Variants in MS4A10 observed in about 807,000 individuals in gnomAD.
MS4A10 encodes membrane-spanning 4-domains subfamily A member 10.
Under a neutral mutation model 27.7 loss-of-function variants are expected in MS4A10, and 27 were observed. The observed-to-expected ratio is 0.98, with a 90% CI of 0.72 to 1.35. The LOEUF (loss-of-function observed/expected upper bound fraction) is 1.35, where lower values mean the gene tolerates loss of function less well. Among genes scored for constraint, MS4A10 ranks in the 40% most tolerant of loss-of-function variants. The pLI, the probability that MS4A10 is intolerant of heterozygous loss-of-function variation, is 0.00. For missense variants in MS4A10, 338 were observed against 324.7 expected, an observed-to-expected ratio of 1.04 and a Z score of -0.32; for synonymous variants, 139 against 131.2, an observed-to-expected ratio of 1.06 and a Z score of -0.41.
Position 60,800,171 on chromosome 11 carries a change from G to A in MS4A10, c.*262G>A, listed in dbSNP as rs1591003672. 2.0e-6 allele frequency: 1 copy of A among 495,728 alleles called. No individual in the cohort carries two copies. The highest frequency in any genetic ancestry group is 3.5e-5 in the East Asian group (1 of 28,760). The allele number at this position is 495,728 out of a possible 1,614,324, so 30.7% of individuals were successfully genotyped here. A position where few individuals can be genotyped will look rare whatever the true frequency, so the allele number is the denominator to read the frequency against. On this transcript the variant is annotated 3_prime_UTR_variant, in exon 8 of 8. Coordinates refer to ENST00000308287, the MANE Select transcript of MS4A10 (RefSeq NM_206893.4). Reference sequence around the variant, plus strand: ...GTTTTGTTTTCTTTTGTTTTGTTGAGATGGAGTCTCGCTCTGTTGCCCAGC... The same window carrying A: ...GTTTTGTTTTCTTTTGTTTTGTTGAAATGGAGTCTCGCTCTGTTGCCCAGC...
chr11:60,798,169 C>T (rs547158545), intron 6 of MS4A10, among the ~76,000 whole-genome samples: 4 of 152,362 alleles, frequency 2.6e-5, no homozygotes, highest in Admixed American at 6.5e-5. Flanking sequence ...ACCAGAGCCC[C>T]ATCCAGTGAC....
intron 6 of MS4A10, among the ~76,000 whole-genome samples, chr11:60,796,413 G>T (rs1192896902): frequency 1.3e-5 from 2 of 152,128 alleles, no homozygotes; most frequent in Non-Finnish European, 2.9e-5. Flanking sequence ...CTCCCAAGTA[G>T]CTGGGACTAC....
At chr11:60,796,460 T>G (rs941098211) in intron 6 of MS4A10, among the ~76,000 whole-genome samples, 9 of 152,142 alleles carry the variant, frequency 5.9e-5, no homozygotes, top group African/African-American at 2.2e-4. Flanking sequence ...TTTTTGTATT[T>G]TTTTAAGTAT....
intron 6 of MS4A10, 31 bp downstream of exon 6, chr11:60,795,696 C>T (rs1401048113): frequency 2.8e-6 from 4 of 1,433,226 alleles, no homozygotes; most frequent in African/African-American, 1.5e-5. Flanking sequence ...CCCAGGAAGA[C>T]AAAAAATGGG....
intron 2 of MS4A10, 69 bp from the exon 3 acceptor site, chr11:60,790,905 G>C: frequency 6.3e-7 from 1 of 1,595,644 alleles, no homozygotes; most frequent in Non-Finnish European, 8.5e-7. Context: ...TAGGTCCAGG[G>C]CACTAGTGGC....
chr11:60,794,002 A>C lies in MS4A10; in HGVS notation c.391A>C (p.Ser131Arg). Residue 131 changes from serine to arginine, a missense_variant, in exon 5 of 8, where the codon AGC (serine) becomes CGC (arginine). By Grantham distance (110) the Ser-to-Arg change is moderately radical. Coordinates refer to ENST00000308287, the MANE Select transcript of MS4A10 (RefSeq NM_206893.4). ...GTTGTGCCTGATGACAAACCTCATC[A>C]GCCTCTTTTGCGTGCTGTCTGGCCT... Reference protein sequence around the residue: ...KMLCLMTNLISLFCVLSGLFV... With the variant: ...KMLCLMTNLIRLFCVLSGLFV... The C allele has an allele frequency of 6.2e-7, 1 of 1,614,164 alleles. No homozygotes were observed. Among genetic ancestry groups the C allele is most frequent in the Non-Finnish European group, 8.5e-7 (1 of 1,180,024 alleles).
intron 7 of MS4A10, among the ~76,000 whole-genome samples, chr11:60,799,422 T>C (rs930444379): frequency 2.0e-5 from 3 of 152,234 alleles, no homozygotes; most frequent in Non-Finnish European, 4.4e-5. Context: ...TTCTATATTA[T>C]TTTAAAGGGG....
chr11:60,793,801 A>G (rs566475725), intron 4 of MS4A10, among the ~76,000 whole-genome samples, 171 bp from the exon 5 acceptor site: 1 of 152,324 alleles, frequency 6.6e-6, no homozygotes, highest in African/African-American at 2.4e-5. Context: ...GCTCAGCTCA[A>G]TCCTGTGTGA....
Position 60,798,495 on chromosome 11 carries a change from C to A in MS4A10, c.703C>A (p.Gln235Lys), listed in dbSNP as rs200806408. 2.8e-4 allele frequency: 458 copies of A among 1,613,978 alleles called. 2 individuals are homozygous for A. The highest frequency in any genetic ancestry group is 7.4e-4 in the South Asian group (67 of 91,062). ...CCAGAGTGTGATTCAAGGCGACGCA[C>A]AACACAAGCAACATCAGAGGTGAAG... ...SYQSVIQGDA[Q>K]HKQHQRLREV... Residue 235 changes from glutamine (Q) to lysine (K), a missense_variant, in exon 7 of 8, where the codon CAA (glutamine) becomes AAA (lysine). Gln to Lys is a moderately conservative substitution (Grantham distance 53). Transcript: ENST00000308287.
intron 1 of MS4A10, among the ~76,000 whole-genome samples, chr11:60,786,461 C>T (rs569568128): frequency 8.5e-5 from 13 of 152,252 alleles, no homozygotes; most frequent in African/African-American, 2.9e-4. Flanking sequence ...CCCCTACCCC[C>T]ACCCCAGGGC....
chr11:60,801,240 T>C lies in MS4A10; in HGVS notation c.*1331T>C, dbSNP rs1424686979. On this transcript the variant is annotated 3_prime_UTR_variant, in exon 8 of 8. Transcript: ENST00000308287. ...TCCCTTCCCCTCACTAGGTCCCAGT[T>C]TCTCCATTTGTAAAACAAGCAATTG... The C allele has an allele frequency of 2.0e-5, 3 of 152,264 alleles. No homozygotes were observed. The highest frequency in any genetic ancestry group is 7.2e-5 in the African/African-American group (3 of 41,468). 9.4% of individuals were successfully genotyped at this position (152,264 alleles called of 1,614,324 possible).
chr11:60,792,418 C>T (rs1451937530), intron 4 of MS4A10, 97 bp downstream of exon 4: 4 of 935,176 alleles, frequency 4.3e-6, no homozygotes, highest in East Asian at 2.4e-5. Context: ...GGCACTTCTC[C>T]AGGACTTGCT....
chr11:60,798,331 T>C, intron 6 of MS4A10, 65 bp from the exon 7 acceptor site: 2 of 1,213,058 alleles, frequency 1.6e-6, no homozygotes, highest in Non-Finnish European at 2.4e-6. Context: ...AGCAGAGAAG[T>C]GTTTCGGAAG....
intron 6 of MS4A10, 118 bp from the exon 7 acceptor site, chr11:60,798,278 T>C (rs770792566): frequency 3.9e-6 from 3 of 772,070 alleles, no homozygotes; most frequent in Non-Finnish European, 6.5e-6. Flanking sequence ...CAAGCCTCAG[T>C]TTCCCCACAT....
intron 1 of MS4A10, among the ~76,000 whole-genome samples, chr11:60,788,815 T>C (rs1011504117): frequency 2.0e-5 from 3 of 152,244 alleles, no homozygotes; most frequent in Non-Finnish European, 4.4e-5. Flanking sequence ...GCACTGGCGA[T>C]GGAGTAAGAC....
At chr11:60,791,959 G>T (rs4939455) in intron 3 of MS4A10, among the ~76,000 whole-genome samples, 17,783 of 152,198 alleles carry the variant, frequency 0.12, 2,223 homozygotes, top group East Asian at 0.68. Context: ...CGATGGTTTG[G>T]GTTTGTAAAA....
chr11:60,795,708 G>A (rs763528672), intron 6 of MS4A10, 43 bp downstream of exon 6: 3 of 1,288,042 alleles, frequency 2.3e-6, no homozygotes, highest in Non-Finnish European at 3.2e-6. Context: ...AAAAATGGGG[G>A]CATGAGGCAG....
chr11:60,793,866 A>G, intron 4 of MS4A10, 106 bp from the exon 5 acceptor site: 1 of 1,291,658 alleles, frequency 7.7e-7, no homozygotes, highest in Non-Finnish European at 1.1e-6. Context: ...TGACAGGCAG[A>G]GTCTCTCCTG....
In MS4A10 at chr11:60,800,042, C is replaced by T; in HGVS notation, c.*133C>T. The T allele has an allele frequency of 7.8e-7, 1 of 1,288,404 alleles. No individual in the cohort carries two copies. Among genetic ancestry groups the T allele is most frequent in the Non-Finnish European group, 1.1e-6 (1 of 942,694 alleles). The allele number at this position is 1,288,404 out of a possible 1,614,324, so 79.8% of individuals were successfully genotyped here. The stretch of plus-strand genomic sequence containing the variant: ...CGATGGTCTATACAGCAAAGTCAGC[C>T]CTCACAGCTCCTGGGAACGCTGTCC... On this transcript the variant is annotated 3_prime_UTR_variant, in exon 8 of 8. Coordinates refer to ENST00000308287, the MANE Select transcript of MS4A10 (RefSeq NM_206893.4).
Sources: gnomAD v4.1 joint callset for allele counts (sites outside exome capture counted in the v4.1 genomes callset) on GRCh38, gnomAD v4.1.1 for gene constraint, MANE v1.5 for transcripts, NCBI Gene and HGNC (gene_info 2026-07-23, HGNC 2026-07-21) for gene names.